SLC13A5: variants seen among roughly 807,000 people sequenced by gnomAD.
SLC13A5 encodes the protein solute carrier family 13 member 5.
A neutral mutation model predicts 56.5 loss-of-function variants in SLC13A5; 25 were observed. The observed-to-expected ratio is 0.44, with a 90% confidence interval of 0.32 to 0.62. The LOEUF (loss-of-function observed/expected upper bound fraction) is 0.62, where lower values mean the gene tolerates loss of function less well. Ranked by LOEUF, SLC13A5 falls within the 20% of genes least tolerant of loss-of-function variation. The probability of loss-of-function intolerance (pLI) is 0.04; values close to 1 mark genes in which losing one functional copy is unlikely to be tolerated. For missense variants in SLC13A5, 649 were observed against 737.8 expected (o/e 0.88, Z 1.39); for synonymous variants, 307 against 301.5 (o/e 1.02, Z -0.19).
At chr17:6,703,261 A>T (rs949307261) in intron 4 of SLC13A5, 123 bp from the exon 5 acceptor site, 2 of 1,200,072 alleles carry the variant, frequency 1.7e-6, no homozygotes, top group Non-Finnish European at 1.2e-6. Context: ...TAGCTGCCCC[A>T]CTGGGCTCCA....
In SLC13A5 at chr17:6,713,257, G is replaced by A. The variant is rs1418793692; in HGVS notation, c.77C>T (p.Pro26Leu). The change falls in exon 1 of 12, where the codon CCA becomes CTA. Residue 26 changes from proline to leucine, a missense_variant. By Grantham distance (98) the Pro-to-Leu change is moderately conservative. Transcript: ENST00000433363. The surrounding 1 kb of genome is among the most constrained non-coding windows in gnomAD (Gnocchi z 7.3). ...CTTGGCGGGCATCAGAATGACGAGTGGCAGCAGCAGGAGCGGGGTGACGAA... is the reference window on the plus strand; with the variant it reads ...CTTGGCGGGCATCAGAATGACGAGTAGCAGCAGCAGGAGCGGGGTGACGAA... ...ILFVTPLLLL[P>L]LVILMPAKFV... 6.2e-7 allele frequency: 1 copy of A among 1,614,022 alleles called. No individual in the cohort carries two copies. Among genetic ancestry groups the A allele is most frequent in the African/African-American group, 1.3e-5 (1 of 75,062 alleles).
At position 6,686,008 on chromosome 17, in the gene SLC13A5, AG is replaced by A. The variant is rs1156905492; in HGVS notation, c.*198del. The A allele has an allele frequency of 1.4e-6, 1 of 722,550 alleles. No individual in the cohort carries two copies. The allele number at this position is 722,550 out of a possible 1,614,324, so 44.8% of individuals were successfully genotyped here. On this transcript the variant is annotated 3_prime_UTR_variant, in exon 12 of 12. Coordinates refer to ENST00000433363, the MANE Select transcript of SLC13A5 (RefSeq NM_177550.5). ...CACTGAGGGGTTCCCTTCATTTCTG[AG>A]CCTACCCTCCAGCTGCCCATGACCA...
intron 3 of SLC13A5, chr17:6,704,314 G>T (rs912803880): frequency 3.2e-6 from 2 of 624,120 alleles, no homozygotes; most frequent in Non-Finnish European, 6.0e-6. Flanking sequence ...TGCTTCTGGG[G>T]TTACCAAGAG....
chr17:6,693,402 G>A (rs1228653907), intron 8 of SLC13A5: 2 of 369,206 alleles, frequency 5.4e-6, no homozygotes, highest in Admixed American at 8.5e-5. Context: ...TCGTAAATTG[G>A]TATGACCTTT....
intron 6 of SLC13A5, among the ~76,000 whole-genome samples, chr17:6,698,417 T>C (rs1973617473): frequency 6.6e-6 from 1 of 152,232 alleles, no homozygotes; most frequent in African/African-American, 2.4e-5. Flanking sequence ...ATGGTGCCCT[T>C]GCGGCCTCGG....
intron 3 of SLC13A5, among the ~76,000 whole-genome samples, chr17:6,705,789 G>A (rs1043883600): frequency 2.0e-5 from 3 of 152,330 alleles, no homozygotes; most frequent in South Asian, 2.1e-4. Context: ...GGCCAAGGAC[G>A]TGCCATCATT....
intron 3 of SLC13A5, among the ~76,000 whole-genome samples, chr17:6,705,933 T>C (rs1973853272): frequency 6.6e-6 from 1 of 152,162 alleles, no homozygotes. Context: ...CTGCCTCCAA[T>C]CCCTCATCCA....
chr17:6,703,789 C>T (rs1288593278), intron 4 of SLC13A5, 89 bp downstream of exon 4: 4 of 1,364,918 alleles, frequency 2.9e-6, no homozygotes, highest in Non-Finnish European at 3.9e-6. Flanking sequence ...GGGAAGCAGA[C>T]AGGGAGAAGG....
At chr17:6,688,311 A>G (rs1243935539) in intron 10 of SLC13A5, 4 of 152,252 alleles carry the variant, frequency 2.6e-5, no homozygotes, top group Non-Finnish European at 4.4e-5. Flanking sequence ...AAAACACAGG[A>G]AGCCAACTCA....
At chr17:6,708,993 C>CTTTTTTTTTTT (rs575087645) in intron 1 of SLC13A5, among the ~76,000 whole-genome samples, 9 of 133,026 alleles carry the variant, frequency 6.8e-5, no homozygotes, top group Non-Finnish European at 1.1e-4. Flanking sequence ...TCTTTTATTT[C>CTTTTTTTTTTT]TTTTTTTTTT....
chr17:6,690,606 A>T (rs1973379661), intron 10 of SLC13A5, among the ~76,000 whole-genome samples, 173 bp downstream of exon 10: 1 of 152,230 alleles, frequency 6.6e-6, no homozygotes, highest in African/African-American at 2.4e-5. Context: ...AAAGCAGTGG[A>T]GGCCTCAGGG....
chr17:6,694,525 G>A (rs998831462), intron 7 of SLC13A5, among the ~76,000 whole-genome samples: 3 of 152,154 alleles, frequency 2.0e-5, no homozygotes, highest in Non-Finnish European at 4.4e-5. Flanking sequence ...GGCTGAGGCA[G>A]GAGAATTGCT....
rs1160617008 is a variant in SLC13A5, at chr17:6,685,613, G to A, written c.*594C>T. 6.5e-6 allele frequency: 1 copy of A among 154,154 alleles called. No homozygotes were observed. The highest frequency in any genetic ancestry group is 1.4e-5 in the Non-Finnish European group (1 of 69,242). The allele number at this position is 154,154 out of a possible 1,614,324, so 9.5% of individuals were successfully genotyped here. A position where few individuals can be genotyped will look rare whatever the true frequency, so the allele number is the denominator to read the frequency against. On this transcript the variant is annotated 3_prime_UTR_variant, in exon 12 of 12. Coordinates refer to ENST00000433363, the MANE Select transcript of SLC13A5 (RefSeq NM_177550.5). This position sits in a 1 kb window ranked among gnomAD's most constrained non-coding sequence, Gnocchi z 4.2. ...CTCAGATTCCTCATCCTTTGGTGGT[G>A]GCCACAGGAGGAGTTCCCAGAGGCT...
In SLC13A5 at chr17:6,706,793, G is replaced by C; in HGVS notation, c.232-15C>G. On this transcript the variant is annotated splice_polypyrimidine_tract_variant and intron_variant, in intron 2 of 11. Coordinates refer to ENST00000433363, the MANE Select transcript of SLC13A5 (RefSeq NM_177550.5). ...TGGACACACACCTGGAGCGTGGCAC[G>C]AAGGCCTCATCAGGACTGTCCCTTG... The C allele has an allele frequency of 6.2e-7, 1 of 1,613,738 alleles. No individual in the cohort carries two copies. Among genetic ancestry groups the C allele is most frequent in the Non-Finnish European group, 8.5e-7 (1 of 1,179,862 alleles).
chr17:6,691,084 C>A, intron 9 of SLC13A5, 144 bp from the exon 10 acceptor site: 1 of 900,712 alleles, frequency 1.1e-6, no homozygotes, highest in Non-Finnish European at 1.6e-6. Context: ...CCATTTTCAT[C>A]CCCGTCCTCA....
At chr17:6,704,165 G>A (rs1258677756) in intron 3 of SLC13A5, 109 bp from the exon 4 acceptor site, 1 of 1,181,292 alleles carries the variant, frequency 8.5e-7, no homozygotes, top group Non-Finnish European at 1.2e-6. Flanking sequence ...CACAGGTGTT[G>A]AGGCCAATTC....
At chr17:6,688,334 A>G (rs1415662548) in intron 10 of SLC13A5, 2 of 152,264 alleles carry the variant, frequency 1.3e-5, no homozygotes, top group African/African-American at 2.4e-5. Context: ...GGTCACTAAT[A>G]GCAGGATGGT....
At chr17:6,706,049 A>G (rs1475205120) in intron 3 of SLC13A5, among the ~76,000 whole-genome samples, 5 of 152,202 alleles carry the variant, frequency 3.3e-5, no homozygotes, top group Non-Finnish European at 7.3e-5. Flanking sequence ...TAGACACTCA[A>G]TATACCCATT....
intron 8 of SLC13A5, 42 bp downstream of exon 8, chr17:6,694,055 G>T: frequency 1.4e-6 from 2 of 1,389,484 alleles, no homozygotes; most frequent in Non-Finnish European, 1.0e-6. Flanking sequence ...TGGTTCCAGG[G>T]CTCCAGTCCT....
Sources: gnomAD v4.1 joint callset for allele counts (sites outside exome capture counted in the v4.1 genomes callset) on GRCh38, gnomAD v4.1.1 for gene constraint, Gnocchi (gnomAD v3.1) non-coding constraint, MANE v1.5 for transcripts, NCBI Gene and HGNC (gene_info 2026-07-23, HGNC 2026-07-21) for gene names.